Variants in GAB4 observed in about 807,000 individuals in gnomAD.
The protein encoded by GAB4 is GRB2 associated binding protein family member 4, also known as GRB2-associated-binding protein 4.
A neutral mutation model predicts 51.3 loss-of-function variants in GAB4; 26 were observed. The ratio of observed to expected loss-of-function variants is 0.51; its 90% confidence interval spans 0.37 to 0.70. The LOEUF (loss-of-function observed/expected upper bound fraction) is 0.70. GAB4 is among the 30% of genes least tolerant of loss of function. GAB4 has a pLI of 0.00. For synonymous variants in GAB4, 329 were observed against 291.2 expected (o/e 1.13, Z -1.32); for missense variants, 759 against 734.6 (o/e 1.03, Z -0.38).
intron 4 of GAB4, 111 bp from the exon 5 acceptor site, chr22:16,968,494 CT>C (rs2060702202): frequency 1.3e-6 from 1 of 752,820 alleles, no homozygotes. Context: ...GAGGACACGA[CT>C]CTCAACCCCA....
chr22:16,970,993 C>T (rs117571771), intron 3 of GAB4, among the ~76,000 whole-genome samples: 2 of 150,674 alleles, frequency 1.3e-5, no homozygotes, highest in Non-Finnish European at 2.9e-5. Context: ...CTCAAGAGTT[C>T]GAGACCAGCC....
intron 3 of GAB4, among the ~76,000 whole-genome samples, chr22:16,976,126 T>A (rs2060775837): frequency 6.6e-6 from 1 of 152,168 alleles, no homozygotes; most frequent in Non-Finnish European, 1.5e-5. Flanking sequence ...CTCCAGAGGA[T>A]CACAACTCCT....
chr22:16,969,874 T>C, intron 4 of GAB4, 69 bp downstream of exon 4: 1 of 1,580,120 alleles, frequency 6.3e-7, no homozygotes, highest in Non-Finnish European at 8.7e-7. Flanking sequence ...GGAACACCAC[T>C]ATTGTTCACC....
In GAB4 at chr22:16,970,169, A is replaced by C. The variant is rs765855931; in HGVS notation, c.711T>G (p.Ser237=). ...TTCTCCTCATGATGAATGGGGCCTC[A>C]GAACCCTGGGAGAAGCTGGCACTCC... ...HARSASFSQG[S]EAPFIMRRNT... is the part of the protein sequence containing the mutation. The change falls in exon 4 of 10, where the codon TCT becomes TCG. Residue 237 remains serine (S), a synonymous_variant. Transcript: ENST00000400588. 3.7e-5 allele frequency: 59 copies of C among 1,614,066 alleles called. No individual in the cohort carries two copies. The South Asian group carries it at 4.1e-4, about 11-fold the overall frequency.
At chr22:17,007,566 G>T (rs2061051222) in intron 1 of GAB4, among the ~76,000 whole-genome samples, 1 of 151,552 alleles carries the variant, frequency 6.6e-6, no homozygotes, top group African/African-American at 2.4e-5. Context: ...TGGGAGGGAA[G>T]GAGAGAGGGT....
At chr22:16,982,433 A>G (rs935574399) in intron 3 of GAB4, among the ~76,000 whole-genome samples, 4 of 152,242 alleles carry the variant, frequency 2.6e-5, no homozygotes, top group Admixed American at 1.3e-4. Context: ...TACAGTAGCT[A>G]CAAAAAATAC....
At position 16,966,090 on chromosome 22, in the gene GAB4, A is replaced by G; in HGVS notation, c.1288+10T>C. The G allele has an allele frequency of 6.2e-7, 1 of 1,612,982 alleles. No individual in the cohort carries two copies. ...GACATTGTCAAGAAATAGAATGGGG[A>G]AAGACTTACCCTTCTGGTTAGGCTT... is the stretch of plus-strand genomic sequence containing the variant. On this transcript the variant is annotated intron_variant, in intron 6 of 9. Coordinates refer to ENST00000400588, the MANE Select transcript of GAB4 (RefSeq NM_001037814.1).
Position 16,970,264 on chromosome 22 carries a change from G to C in GAB4, c.687-71C>G. The C allele has an allele frequency of 9.1e-6, 14 of 1,541,756 alleles. 1 individual carries two copies. In the South Asian group the frequency reaches 1.6e-4, roughly 18 times the overall value. On this transcript the variant is annotated intron_variant, in intron 3 of 9. Transcript: ENST00000400588. The stretch of plus-strand genomic sequence containing the variant: ...GGACTGCCCCAGGGAGGCAGGCGGG[G>C]AAGTTCACAGCCCAATGTAGTGAGA...
chr22:17,000,728 T>A (rs2060990908), intron 1 of GAB4, among the ~76,000 whole-genome samples: 1 of 152,236 alleles, frequency 6.6e-6, no homozygotes, highest in African/African-American at 2.4e-5. Flanking sequence ...AGTTTCTTCC[T>A]AGCATCAAGG....
At chr22:16,977,992 A>AGACAT (rs1555909590) in intron 3 of GAB4, among the ~76,000 whole-genome samples, 3 of 151,574 alleles carry the variant, frequency 2.0e-5, no homozygotes, top group African/African-American at 7.3e-5. Flanking sequence ...ATGAGAACAA[A>AGACAT]GACACAATGT....
chr22:16,966,472 A>C (rs2060676532), intron 5 of GAB4, 108 bp from the exon 6 acceptor site: 2 of 1,149,634 alleles, frequency 1.7e-6, no homozygotes, highest in East Asian at 2.6e-5. Flanking sequence ...GTTTTGAACG[A>C]AACTTTTGAT....
chr22:16,987,740 G>A (rs995294017), intron 3 of GAB4, among the ~76,000 whole-genome samples: 1 of 152,020 alleles, frequency 6.6e-6, no homozygotes, highest in Non-Finnish European at 1.5e-5. Flanking sequence ...ATAATGGTAG[G>A]TTTCTTAGGA....
chr22:16,997,329 T>C (rs1349439603), intron 1 of GAB4, among the ~76,000 whole-genome samples: 3 of 152,206 alleles, frequency 2.0e-5, no homozygotes, highest in African/African-American at 7.2e-5. Flanking sequence ...TTTTAATGAC[T>C]GCCATTCTAA....
At chr22:16,986,023 G>C (rs1320462315) in intron 3 of GAB4, among the ~76,000 whole-genome samples, 1 of 152,184 alleles carries the variant, frequency 6.6e-6, no homozygotes, top group African/African-American at 2.4e-5. Context: ...AACTCCTGCT[G>C]GTAAGACTAA....
In GAB4 at chr22:16,964,907, G is replaced by A; in HGVS notation, c.1380-45C>T. The A allele has an allele frequency of 2.0e-6, 3 of 1,485,930 alleles. No homozygotes were observed. The South Asian group carries it at 3.5e-5, about 17-fold the overall frequency. 92.0% of individuals were successfully genotyped at this position (1,485,930 alleles called of 1,614,324 possible). A position where few individuals can be genotyped will look rare whatever the true frequency, so the allele number is the denominator to read the frequency against. On this transcript the variant is annotated intron_variant, in intron 7 of 9. Coordinates refer to ENST00000400588, the MANE Select transcript of GAB4 (RefSeq NM_001037814.1). ...AGGAGTACATCCTGGGTGGGGCTCA[G>A]GGCTGCTGTCAGGGCTCCAGCCTCC...
chr22:16,972,877 T>C lies in GAB4; in HGVS notation c.687-2684A>G, dbSNP rs571466447. Among the ~76,000 whole-genome samples, 17 of 152,256 alleles carry C rather than the reference T, an allele frequency of 1.1e-4. No homozygotes were observed. In the South Asian group the frequency reaches 2.9e-3, roughly 26 times the overall value. ...ACATCTCCACCACTGTCACAGTGCT[T>C]TTAGGATGAAAAACCCCCAGCTTTA... is the stretch of plus-strand genomic sequence containing the variant. On this transcript the variant is annotated intron_variant, in intron 3 of 9. Transcript: ENST00000400588.
At chr22:16,998,049 C>A (rs1273068386) in intron 1 of GAB4, among the ~76,000 whole-genome samples, 1 of 152,300 alleles carries the variant, frequency 6.6e-6, no homozygotes, top group East Asian at 1.9e-4. Flanking sequence ...TTTACTGTAG[C>A]CTTGTAGTAT....
At chr22:17,000,432 C>A (rs1307116328) in intron 1 of GAB4, among the ~76,000 whole-genome samples, 2 of 151,992 alleles carry the variant, frequency 1.3e-5, no homozygotes, top group African/African-American at 4.8e-5. Context: ...GGTTTAAAGT[C>A]TGTTTTATCA....
intron 1 of GAB4, among the ~76,000 whole-genome samples, chr22:17,003,052 C>T (rs111528900): frequency 0.014 from 2,059 of 152,220 alleles, 50 homozygotes; most frequent in African/African-American, 0.048. Flanking sequence ...ATAAAACACA[C>T]TTTAAACCAA....
Sources: allele counts gnomAD v4.1 joint callset (sites outside exome capture counted in the v4.1 genomes callset), GRCh38; gene constraint gnomAD v4.1.1; transcripts MANE v1.5; gene names NCBI Gene and HGNC (gene_info 2026-07-23, HGNC 2026-07-21).